Variants in FHIT observed in about 807,000 individuals in gnomAD.
The protein encoded by FHIT is bis(5'-adenosyl)-triphosphatase.
In FHIT, 19 loss-of-function variants were observed where a neutral mutation model predicts 17.9. That is an observed-to-expected ratio of 1.06 (90% CI 0.74 to 1.56). FHIT has a LOEUF of 1.56. FHIT is among the 40% of genes most tolerant of loss of function. The probability of loss-of-function intolerance (pLI) is 0.00; values close to 1 mark genes in which losing one functional copy is unlikely to be tolerated. For synonymous variants in FHIT, 81 were observed against 69.7 expected (o/e 1.16, Z -0.81); for missense variants, 248 against 189.2 (o/e 1.31, Z -1.82).
intron 8 of FHIT, among the ~76,000 whole-genome samples, chr3:59,861,556 A>C (rs1161653924): frequency 6.6e-6 from 1 of 152,208 alleles, no homozygotes; most frequent in Non-Finnish European, 1.5e-5. Context: ...CCAAATAATC[A>C]CTAACTAAAA....
intron 8 of FHIT, among the ~76,000 whole-genome samples, chr3:59,827,059 C>T (rs1701003099): frequency 6.6e-6 from 1 of 152,132 alleles, no homozygotes. Flanking sequence ...ATTAACAAGC[C>T]AGTAAACCAA....
chr3:60,275,551 A>G (rs1307171822), intron 5 of FHIT, among the ~76,000 whole-genome samples: 1 of 152,160 alleles, frequency 6.6e-6, no homozygotes, highest in Non-Finnish European at 1.5e-5. Flanking sequence ...AGTCTTGTGG[A>G]AACTTGACAG....
In FHIT at chr3:61,211,318, G is replaced by A. The variant is rs566523348; in HGVS notation, c.-212-10653C>T. ...TCCCACCCTAATACTGCACTTTTCC[G>A]ATGGGCTTAAGAAACGGCGCACCAG... On this transcript the variant is annotated intron_variant, in intron 1 of 9. Transcript: ENST00000492590. 6.7e-3 allele frequency among the ~76,000 whole-genome samples: 989 copies of A among 148,024 alleles called. 9 individuals are homozygous for A. Among genetic ancestry groups the A allele is most frequent in the African/African-American group, 0.021 (867 of 40,326 alleles).
rs1212716783 is a variant in FHIT, at chr3:60,702,836, T to C, written c.-18+119083A>G. On this transcript the variant is annotated intron_variant, in intron 4 of 9. Coordinates refer to ENST00000492590, the MANE Select transcript of FHIT (RefSeq NM_002012.4). ...TTATATTTTACTGTTTAATGTAATGTTTGATTATAGGTCTTTATAAATATT... is the reference window on the plus strand; with the variant it reads ...TTATATTTTACTGTTTAATGTAATGCTTGATTATAGGTCTTTATAAATATT... Among the ~76,000 whole-genome samples, 9 of 152,174 alleles carry C rather than the reference T, an allele frequency of 5.9e-5. No individual in the cohort carries two copies. The East Asian group carries it at 1.7e-3, about 29-fold the overall frequency.
At chr3:60,315,649 G>A (rs965789555) in intron 5 of FHIT, among the ~76,000 whole-genome samples, 5 of 152,160 alleles carry the variant, frequency 3.3e-5, no homozygotes, top group African/African-American at 1.2e-4. Context: ...TCATTGCTCT[G>A]AAGTGTTGCA....
rs1295985820 is a variant in FHIT, at chr3:60,608,165, C to T, written c.-17-71186G>A. On this transcript the variant is annotated intron_variant, in intron 4 of 9. Coordinates refer to ENST00000492590, the MANE Select transcript of FHIT (RefSeq NM_002012.4). ...GCAGAGGACAAGACTCTCACTCTCACCCTCTTTCTTTCCCTATCTAATTTT... is the reference window on the plus strand; with the variant it reads ...GCAGAGGACAAGACTCTCACTCTCATCCTCTTTCTTTCCCTATCTAATTTT... Among the ~76,000 whole-genome samples the T allele has an allele frequency of 3.3e-5, 5 of 152,172 alleles. No homozygotes were observed. The East Asian group carries it at 5.8e-4, about 18-fold the overall frequency.
At chr3:60,006,446 A>G (rs1356003926) in intron 7 of FHIT, among the ~76,000 whole-genome samples, 1 of 152,098 alleles carries the variant, frequency 6.6e-6, no homozygotes, top group Non-Finnish European at 1.5e-5. Flanking sequence ...TAGATGAGAA[A>G]CTGAGATTGA....
At chr3:59,909,314 G>A (rs1041426492) in intron 8 of FHIT, among the ~76,000 whole-genome samples, 33 of 151,752 alleles carry the variant, frequency 2.2e-4, no homozygotes, top group African/African-American at 7.0e-4. Flanking sequence ...TTACTCGCAT[G>A]AGCCACTGCG....
At chr3:60,922,150 T>G (rs111916413) in intron 3 of FHIT, among the ~76,000 whole-genome samples, 71 of 152,316 alleles carry the variant, frequency 4.7e-4, no homozygotes, top group Middle Eastern at 3.4e-3. Context: ...GTGGGGTCTC[T>G]GAAAATGACT....
At chr3:61,199,219 T>C (rs555610687) in intron 2 of FHIT, among the ~76,000 whole-genome samples, 6 of 152,166 alleles carry the variant, frequency 3.9e-5, no homozygotes, top group Non-Finnish European at 5.9e-5. Flanking sequence ...AAATGGACTG[T>C]GCCTGTGTGG....
intron 5 of FHIT, among the ~76,000 whole-genome samples, chr3:60,459,751 ATTAC>A (rs1261676945): frequency 1.3e-5 from 2 of 152,224 alleles, no homozygotes; most frequent in African/African-American, 4.8e-5. Context: ...TAAAAGCTGA[ATTAC>A]TTAATTAATT....
At chr3:60,141,969 T>C (rs1559671536) in intron 5 of FHIT, among the ~76,000 whole-genome samples, 1 of 152,304 alleles carries the variant, frequency 6.6e-6, no homozygotes, top group East Asian at 1.9e-4. Context: ...TTTTAAGCTA[T>C]TAGCAGTTGA....
chr3:60,958,052 C>T (rs1178487063), intron 3 of FHIT, among the ~76,000 whole-genome samples: 14 of 152,174 alleles, frequency 9.2e-5, no homozygotes, highest in Admixed American at 7.2e-4. Flanking sequence ...TTCAACAAAA[C>T]ACTTAAAATC....
intron 5 of FHIT, among the ~76,000 whole-genome samples, chr3:60,294,076 G>C (rs1436585481): frequency 6.6e-6 from 1 of 152,022 alleles, no homozygotes; most frequent in African/African-American, 2.4e-5. Flanking sequence ...CATTTTTCCA[G>C]GAGCAACACA....
chr3:60,285,982 C>T (rs1707708466), intron 5 of FHIT, among the ~76,000 whole-genome samples: 1 of 152,116 alleles, frequency 6.6e-6, no homozygotes, highest in African/African-American at 2.4e-5. Flanking sequence ...CACAGCATGG[C>T]TGTTGGATTC....
intron 5 of FHIT, among the ~76,000 whole-genome samples, chr3:60,292,766 A>G (rs1576432184): frequency 2.0e-5 from 3 of 152,302 alleles, no homozygotes; most frequent in South Asian, 2.1e-4. Flanking sequence ...GCTTTCTATG[A>G]AGAAAAAAAG....
chr3:60,609,971 G>A (rs1048671632), intron 4 of FHIT, among the ~76,000 whole-genome samples: 3 of 152,202 alleles, frequency 2.0e-5, no homozygotes, highest in Non-Finnish European at 1.5e-5. Flanking sequence ...GCTATAATCT[G>A]ATCTGTCTCT....
intron 5 of FHIT, among the ~76,000 whole-genome samples, chr3:60,469,543 T>A (rs904636930): frequency 6.6e-6 from 1 of 152,186 alleles, no homozygotes; most frequent in Non-Finnish European, 1.5e-5. Flanking sequence ...AATACAACTC[T>A]GAACTCCTTC....
At chr3:59,768,910 A>G (rs924468656) in intron 8 of FHIT, among the ~76,000 whole-genome samples, 1 of 152,260 alleles carries the variant, frequency 6.6e-6, no homozygotes, top group South Asian at 2.1e-4. Context: ...ATGTAACTAT[A>G]TTTACTGAAT....
Sources: gnomAD v4.1 joint callset for allele counts (sites outside exome capture counted in the v4.1 genomes callset) on GRCh38, gnomAD v4.1.1 for gene constraint, MANE v1.5 for transcripts, NCBI Gene and HGNC (gene_info 2026-07-23, HGNC 2026-07-21) for gene names.